Variants in SOX5 observed in about 807,000 individuals in gnomAD.
The protein encoded by SOX5 is SRY-box transcription factor 5.
A neutral mutation model predicts 92.0 loss-of-function variants in SOX5; 9 were observed. The observed-to-expected ratio is 0.10, with a 90% CI of 0.06 to 0.17. SOX5 has a LOEUF of 0.17. Among genes scored for constraint, SOX5 ranks in the 10% least tolerant of loss-of-function variants. The pLI, the probability that SOX5 is intolerant of heterozygous loss-of-function variation, is 1.00. For missense variants in SOX5, 642 were observed against 944.5 expected, an observed-to-expected ratio of 0.68 and a Z score of 4.20; for synonymous variants, 344 against 336.3, an observed-to-expected ratio of 1.02 and a Z score of -0.25.
intron 3 of SOX5, among the ~76,000 whole-genome samples, chr12:23,758,210 A>T (rs2094458261): frequency 1.3e-5 from 2 of 151,852 alleles, no homozygotes. Context: ...GCCAGAAACT[A>T]TGCTAGAGGT....
chr12:23,695,530 T>C (rs999788014), intron 6 of SOX5, among the ~76,000 whole-genome samples: 3 of 152,234 alleles, frequency 2.0e-5, no homozygotes, highest in African/African-American at 7.2e-5. Flanking sequence ...CAAATGCTTT[T>C]TCTGCTTCTA....
intron 4 of SOX5, among the ~76,000 whole-genome samples, chr12:24,041,718 C>T (rs924897198): frequency 6.6e-6 from 1 of 152,026 alleles, no homozygotes; most frequent in African/African-American, 2.4e-5. Context: ...TATAAAATTG[C>T]TATACATGCT....
intron 3 of SOX5, among the ~76,000 whole-genome samples, chr12:23,842,628 A>G (rs1266377119): frequency 2.0e-5 from 3 of 152,304 alleles, no homozygotes; most frequent in Admixed American, 2.0e-4. Context: ...ATGAATCCCC[A>G]ATATCTTACA....
intron 4 of SOX5, among the ~76,000 whole-genome samples, chr12:24,190,565 T>A (rs554958425): frequency 2.0e-5 from 3 of 152,338 alleles, no homozygotes; most frequent in East Asian, 3.9e-4. Context: ...TGAAGCCTCA[T>A]GACATTCAGT....
chr12:24,079,742 C>A (rs1943097188), intron 4 of SOX5, among the ~76,000 whole-genome samples: 2 of 151,736 alleles, frequency 1.3e-5, no homozygotes, highest in African/African-American at 4.8e-5. Context: ...ATCAATCAGT[C>A]CTTTGGTTAT....
chr12:24,363,107 GTTAT>G lies in SOX5; in HGVS notation c.-174+5452_-174+5455del, dbSNP rs1955781663. Among the ~76,000 whole-genome samples, 4 of 151,746 alleles carry G rather than the reference GTTAT, an allele frequency of 2.6e-5. 1 individual carries two copies. The South Asian group carries it at 8.3e-4, about 32-fold the overall frequency. On this transcript the variant is annotated intron_variant, in intron 2 of 4. Transcript: ENST00000446891. ...TAGAGCTACTAACTTTATCCTTACT[GTTAT>G]TTAAATAATGAAAATTCACCTGTGA...
At chr12:24,070,097 C>T (rs1175522243) in intron 4 of SOX5, among the ~76,000 whole-genome samples, 1 of 152,176 alleles carries the variant, frequency 6.6e-6, no homozygotes, top group Non-Finnish European at 1.5e-5. Flanking sequence ...GCCGCAACAA[C>T]ACTAATCTTC....
At chr12:24,117,417 C>G (rs1948134595) in intron 4 of SOX5, among the ~76,000 whole-genome samples, 1 of 151,588 alleles carries the variant, frequency 6.6e-6, no homozygotes, top group East Asian at 2.0e-4. Context: ...CTCAAAAAAA[C>G]TAAAAATAGA....
upstream of SOX5, among the ~76,000 whole-genome samples, chr12:23,955,200 G>A (rs1186417856): frequency 6.6e-6 from 1 of 152,048 alleles, no homozygotes; most frequent in African/African-American, 2.4e-5. Flanking sequence ...AGAGTATACA[G>A]GAAAGTGCTT....
intron 3 of SOX5, among the ~76,000 whole-genome samples, chr12:23,790,923 T>C (rs1340131368): frequency 6.6e-6 from 1 of 152,224 alleles, no homozygotes; most frequent in African/African-American, 2.4e-5. Flanking sequence ...AAATGTTGCC[T>C]ACATTCTTGC....
intron 1 of SOX5, among the ~76,000 whole-genome samples, chr12:24,456,278 G>C (rs1474754733): frequency 1.3e-5 from 2 of 152,196 alleles, no homozygotes; most frequent in African/African-American, 4.8e-5. Flanking sequence ...TGGACTTACA[G>C]GTGGGTGTTC....
intron 4 of SOX5, among the ~76,000 whole-genome samples, chr12:24,017,971 T>C (rs1178896586): frequency 6.6e-6 from 1 of 152,220 alleles, no homozygotes; most frequent in Non-Finnish European, 1.5e-5. Context: ...GGATCCACTC[T>C]GCTCCCGTTA....
At chr12:24,562,463 TGTGTGTGTGC>T (rs1954471930) in exon 1 of SOX5, 1 of 152,328 alleles carries the variant, frequency 6.6e-6, no homozygotes, top group Non-Finnish European at 1.5e-5. Context: ...TGTGTGTGTC[TGTGTGTGTGC>T]GTGTGTGCCG....
chr12:23,681,569 C>T (rs1271655187), intron 6 of SOX5, among the ~76,000 whole-genome samples: 1 of 151,180 alleles, frequency 6.6e-6, no homozygotes, highest in African/African-American at 2.4e-5. Flanking sequence ...CAAATATTAA[C>T]CAAAAAAGTA....
rs557996284 is a variant in SOX5 at position 23,977,481 on chromosome 12, C to T, written c.-1-81457G>A. 3.3e-5 allele frequency among the ~76,000 whole-genome samples: 5 copies of T among 152,172 alleles called. No homozygotes were observed. The South Asian group carries it at 1.0e-3, about 32-fold the overall frequency. On this transcript the variant is annotated intron_variant, in intron 4 of 4. Coordinates refer to the SOX5 transcript ENST00000446891. The stretch of plus-strand genomic sequence containing the variant: ...GGCCAGGAGTTCAAGGTGAGCCTGG[C>T]CAACATGGCGAAATCCCATCTCTAC...
intron 1 of SOX5, among the ~76,000 whole-genome samples, chr12:24,431,503 T>C (rs1334646084): frequency 6.6e-6 from 1 of 152,182 alleles, no homozygotes. Flanking sequence ...GAACTAAACA[T>C]ATCTATCACC....
intron 9 of SOX5, among the ~76,000 whole-genome samples, chr12:23,593,092 T>A (rs553592558): frequency 4.3e-4 from 65 of 151,806 alleles, no homozygotes; most frequent in Middle Eastern, 3.4e-3. Context: ...AATAAATAAA[T>A]AAATAAATAA....
At chr12:24,142,920 G>C (rs1431721418) in intron 4 of SOX5, among the ~76,000 whole-genome samples, 1 of 151,198 alleles carries the variant, frequency 6.6e-6, no homozygotes, top group African/African-American at 2.4e-5. Flanking sequence ...GTATTTAGCA[G>C]GATACTGGTC....
At chr12:23,821,679 T>C (rs1265036655) in intron 3 of SOX5, among the ~76,000 whole-genome samples, 1 of 152,220 alleles carries the variant, frequency 6.6e-6, no homozygotes, top group East Asian at 1.9e-4. Context: ...ACCAGCTTGA[T>C]CGTGGTAGAT....
Sources: allele counts gnomAD v4.1 joint callset (sites outside exome capture counted in the v4.1 genomes callset), GRCh38; gene constraint gnomAD v4.1.1; transcripts MANE v1.5; gene names NCBI Gene and HGNC (gene_info 2026-07-23, HGNC 2026-07-21).